Variants in TXNRD1 observed in about 807,000 individuals in gnomAD.
TXNRD1 encodes the protein thioredoxin reductase 1, also known as thioredoxin reductase 1, cytoplasmic.
A neutral mutation model predicts 80.3 loss-of-function variants in TXNRD1; 57 were observed. The ratio of observed to expected loss-of-function variants is 0.71; its 90% CI spans 0.57 to 0.89. The LOEUF is 0.89. TXNRD1 is among the 40% of genes least tolerant of loss of function. TXNRD1 has a pLI of 0.00. For missense variants in TXNRD1, 730 were observed against 803.0 expected (o/e 0.91, Z 1.10); for synonymous variants, 291 against 285.2 (o/e 1.02, Z -0.20).
At chr12:104,267,716 TC>T (rs1565870367) in intron 3 of TXNRD1, among the ~76,000 whole-genome samples, 6 of 55,052 alleles carry the variant, frequency 1.1e-4, no homozygotes, top group African/African-American at 3.3e-4. Flanking sequence ...TTTCTTTCTT[TC>T]TTTCTCTTTC....
At chr12:104,302,350 A>G (rs1026320523) in intron 4 of TXNRD1, among the ~76,000 whole-genome samples, 1 of 152,016 alleles carries the variant, frequency 6.6e-6, no homozygotes, top group Non-Finnish European at 1.5e-5. Flanking sequence ...TGGTGCTATG[A>G]AACTGGCAAT....
chr12:104,315,611 T>C (rs1466556575), intron 6 of TXNRD1, among the ~76,000 whole-genome samples, 166 bp from the exon 7 acceptor site: 1 of 152,250 alleles, frequency 6.6e-6, no homozygotes, highest in Non-Finnish European at 1.5e-5. Flanking sequence ...TAAGGGTCTC[T>C]GAACTTATGG....
At chr12:104,258,735 G>C (rs201641645) in intron 3 of TXNRD1, among the ~76,000 whole-genome samples, 1 of 152,148 alleles carries the variant, frequency 6.6e-6, no homozygotes, top group Non-Finnish European at 1.5e-5. Flanking sequence ...AGTCCAGCCT[G>C]GGCAAGAGTG....
At chr12:104,266,310 G>A (rs2033484843) in intron 3 of TXNRD1, among the ~76,000 whole-genome samples, 1 of 152,048 alleles carries the variant, frequency 6.6e-6, no homozygotes, top group Admixed American at 6.6e-5. Flanking sequence ...AGTGGATCAC[G>A]AGGTGGGGAG....
chr12:104,350,150 T>C lies in TXNRD1; in HGVS notation c.*1729T>C, dbSNP rs1023652150. ...TCCCCACAAGAAGGATTATATCTTA[T>C]AGACTTGTCTTGTTCAGATTCTGTA... On this transcript the variant is annotated 3_prime_UTR_variant, in exon 17 of 17. Coordinates refer to ENST00000525566, the MANE Select transcript of TXNRD1 (RefSeq NM_001093771.3). 5.9e-5 allele frequency: 9 copies of C among 152,222 alleles called. No individual in the cohort carries two copies. The highest frequency in any genetic ancestry group is 2.2e-4 in the African/African-American group (9 of 41,456). The allele number at this position is 152,222 out of a possible 1,614,324, so 9.4% of individuals were successfully genotyped here. A position where few individuals can be genotyped will look rare whatever the true frequency, so the allele number is the denominator to read the frequency against.
intron 3 of TXNRD1, among the ~76,000 whole-genome samples, chr12:104,281,025 T>C (rs2033865080): frequency 6.6e-6 from 1 of 152,236 alleles, no homozygotes; most frequent in South Asian, 2.1e-4. Flanking sequence ...TTGAACTCCA[T>C]ACTTACATAT....
At chr12:104,311,175 A>G in intron 4 of TXNRD1, 115 bp from the exon 5 acceptor site, 1 of 1,199,710 alleles carries the variant, frequency 8.3e-7, no homozygotes, top group Non-Finnish European at 1.1e-6. Flanking sequence ...ATTAAACAGC[A>G]TCTTCCCTTT....
chr12:104,287,051 A>G, intron 3 of TXNRD1: 2 of 1,405,646 alleles, frequency 1.4e-6, no homozygotes, highest in South Asian at 1.5e-5. Flanking sequence ...TTTGCAGCAG[A>G]GCGAAAGGTG....
chr12:104,276,517 A>G (rs1426266417), intron 3 of TXNRD1: 1 of 152,234 alleles, frequency 6.6e-6, no homozygotes, highest in Non-Finnish European at 1.5e-5. Context: ...AGCAAATACT[A>G]CAAATCAGGG....
chr12:104,313,969 C>T (rs574875125), intron 6 of TXNRD1, among the ~76,000 whole-genome samples: 1 of 152,280 alleles, frequency 6.6e-6, no homozygotes, highest in East Asian at 1.9e-4. Context: ...GAAGAGGTGA[C>T]ATTTAGAAGA....
At chr12:104,304,425 A>C in intron 4 of TXNRD1, 1 of 1,613,996 alleles carries the variant, frequency 6.2e-7, no homozygotes, top group Non-Finnish European at 8.5e-7. Context: ...TGGATGGTAA[A>C]AGCTGAGACA....
intron 2 of TXNRD1, among the ~76,000 whole-genome samples, 190 bp from the exon 3 acceptor site, chr12:104,257,829 G>A (rs1454309238): frequency 6.6e-6 from 1 of 152,182 alleles, no homozygotes; most frequent in Non-Finnish European, 1.5e-5. Flanking sequence ...AGAATCAACA[G>A]ACTTCAGATA....
At chr12:104,340,334 T>TC (rs2036278667) in intron 16 of TXNRD1, among the ~76,000 whole-genome samples, 1 of 152,224 alleles carries the variant, frequency 6.6e-6, no homozygotes, top group South Asian at 2.1e-4. Flanking sequence ...GTGTAATGAC[T>TC]CAAACTGCCT....
chr12:104,344,292 G>T (rs1193436322), intron 16 of TXNRD1, among the ~76,000 whole-genome samples: 4 of 151,846 alleles, frequency 2.6e-5, no homozygotes, highest in Non-Finnish European at 4.4e-5. Flanking sequence ...GGACTGAAAG[G>T]TCATCATGCC....
rs779271319 is a variant in TXNRD1 at position 104,288,800 on chromosome 12, T to C, written c.305-131T>C. On this transcript the variant is annotated intron_variant, in intron 3 of 16. Transcript: ENST00000525566. Reference sequence around the variant, plus strand: ...CAGAAATGCAGCAAGTCATGCTAACTTGCAAGGGAGTCAACAGAGGGCACG... The same window carrying C: ...CAGAAATGCAGCAAGTCATGCTAACCTGCAAGGGAGTCAACAGAGGGCACG... 25 of 1,587,446 alleles carry C rather than the reference T, an allele frequency of 1.6e-5. No individual in the cohort carries two copies. The East Asian group carries it at 5.7e-4, about 36-fold the overall frequency.
intron 1 of TXNRD1, among the ~76,000 whole-genome samples, chr12:104,220,920 G>A (rs768379780): frequency 6.6e-5 from 10 of 152,122 alleles, no homozygotes; most frequent in African/African-American, 9.7e-5. Flanking sequence ...GTAGAAACTA[G>A]TCTACATGTA....
intron 4 of TXNRD1, chr12:104,291,089 C>T: frequency 1.5e-6 from 1 of 671,524 alleles, no homozygotes; most frequent in South Asian, 1.6e-5. Flanking sequence ...GACTGCAGGT[C>T]ACGACATTTA....
At chr12:104,235,214 C>T (rs116830118) in intron 1 of TXNRD1, among the ~76,000 whole-genome samples, 5 of 152,248 alleles carry the variant, frequency 3.3e-5, no homozygotes, top group East Asian at 3.9e-4. Flanking sequence ...CTACTGTGTC[C>T]GATCCCCATT....
At chr12:104,304,488 G>T (rs2034798725) in intron 4 of TXNRD1, 3 of 1,613,866 alleles carry the variant, frequency 1.9e-6, no homozygotes, top group Non-Finnish European at 2.5e-6. Flanking sequence ...CCAAAGCCCC[G>T]ACTTGAACAC....
Sources: allele counts gnomAD v4.1 joint callset (sites outside exome capture counted in the v4.1 genomes callset), GRCh38; gene constraint gnomAD v4.1.1; transcripts MANE v1.5; gene names NCBI Gene and HGNC (gene_info 2026-07-23, HGNC 2026-07-21).